The following FRMPD2 variants were observed in gnomAD, a reference collection of about 807,000 sequenced individuals.
The protein encoded by FRMPD2 is FERM and PDZ domain containing 2.
FRMPD2 carries 96 observed loss-of-function variants against 140.1 expected under a neutral mutation model. The observed-to-expected ratio is 0.69, with a 90% CI of 0.58 to 0.81. The LOEUF (loss-of-function observed/expected upper bound fraction) is 0.81. FRMPD2 is among the 40% of genes least tolerant of loss of function. FRMPD2 has a pLI of 0.00. For missense variants in FRMPD2, 1,240 were observed against 1,447.4 expected (o/e 0.86, Z 2.32); for synonymous variants, 449 against 547.6 (o/e 0.82, Z 2.52).
chr10:48,190,423 C>T (rs150676515), intron 16 of FRMPD2, among the ~76,000 whole-genome samples: 10 of 152,320 alleles, frequency 6.6e-5, no homozygotes, highest in Non-Finnish European at 8.8e-5. Flanking sequence ...TTCTAGGAGG[C>T]CTCTGCACAC....
chr10:48,265,221 G>A (rs1001082195), intron 1 of FRMPD2, among the ~76,000 whole-genome samples: 2 of 152,082 alleles, frequency 1.3e-5, no homozygotes, highest in Non-Finnish European at 2.9e-5. Context: ...ACTCAAAATG[G>A]ATTAAAAACT....
chr10:48,233,544 G>T (rs1338644491), intron 9 of FRMPD2, among the ~76,000 whole-genome samples: 1 of 152,210 alleles, frequency 6.6e-6, no homozygotes, highest in Non-Finnish European at 1.5e-5. Context: ...CAGGCCCTCA[G>T]TGATGAATCG....
At chr10:48,250,801 T>TA (rs1359919147) in intron 2 of FRMPD2, among the ~76,000 whole-genome samples, 2 of 148,850 alleles carry the variant, frequency 1.3e-5, no homozygotes, top group African/African-American at 5.0e-5. Flanking sequence ...CTGCCTTTTT[T>TA]TTTTTTTTTT....
chr10:48,234,010 C>T (rs1821596054), intron 9 of FRMPD2, among the ~76,000 whole-genome samples: 1 of 152,256 alleles, frequency 6.6e-6, no homozygotes, highest in Non-Finnish European at 1.5e-5. Context: ...GCATCTCACC[C>T]ACCCAGCTCC....
intron 14 of FRMPD2, among the ~76,000 whole-genome samples, chr10:48,205,786 A>G (rs1010917241): frequency 3.9e-5 from 6 of 152,162 alleles, no homozygotes; most frequent in African/African-American, 1.4e-4. Context: ...TTTTTTCCTG[A>G]AAACAAACAA....
At chr10:48,191,540 G>A (rs149120885) in intron 16 of FRMPD2, among the ~76,000 whole-genome samples, 70 of 152,248 alleles carry the variant, frequency 4.6e-4, no homozygotes, top group South Asian at 1.0e-3. Context: ...TGTGGTGCAC[G>A]GCAATGTACA....
At chr10:48,222,781 C>A (rs1358681257) in intron 11 of FRMPD2, among the ~76,000 whole-genome samples, 1 of 152,152 alleles carries the variant, frequency 6.6e-6, no homozygotes. Flanking sequence ...AAACTGCAAA[C>A]CCATGTCTCT....
chr10:48,235,419 C>G (rs1437322091), intron 9 of FRMPD2, among the ~76,000 whole-genome samples: 1 of 152,208 alleles, frequency 6.6e-6, no homozygotes, highest in East Asian at 1.9e-4. Context: ...ACTTTCAGGA[C>G]TCAGGTGTAG....
intron 1 of FRMPD2, among the ~76,000 whole-genome samples, chr10:48,260,858 A>G (rs1174076781): frequency 6.7e-6 from 1 of 148,412 alleles, no homozygotes; most frequent in African/African-American, 2.5e-5. Context: ...AATGTAAAAT[A>G]ACTATGATTA....
At chr10:48,188,012 T>C (rs1165052561) in intron 16 of FRMPD2, among the ~76,000 whole-genome samples, 1 of 152,188 alleles carries the variant, frequency 6.6e-6, no homozygotes, top group Non-Finnish European at 1.5e-5. Flanking sequence ...ATAAGCTACA[T>C]TCAGAGGTGA....
chr10:48,227,551 C>T (rs1839750922), intron 10 of FRMPD2, among the ~76,000 whole-genome samples: 1 of 152,100 alleles, frequency 6.6e-6, no homozygotes, highest in Non-Finnish European at 1.5e-5. Flanking sequence ...TGTTGGATCT[C>T]GAGGGGGGTA....
chr10:48,223,237 C>T lies in FRMPD2; in HGVS notation c.1202G>A (p.Arg401Lys), dbSNP rs1564430559. The T allele has an allele frequency of 6.2e-7, 1 of 1,613,774 alleles. No homozygotes were observed. Among genetic ancestry groups the T allele is most frequent in the Non-Finnish European group, 8.5e-7 (1 of 1,179,872 alleles). ...KEFFFLDSET[R>K]LCKIAPEGWR... Reference sequence around the variant, plus strand: ...GCCTTCAGGAGCTATTTTGCACAATCTGGTTTCACTGTCCAGGAAAAAGAA... The same window carrying T: ...GCCTTCAGGAGCTATTTTGCACAATTTGGTTTCACTGTCCAGGAAAAAGAA... Residue 401 changes from arginine (R) to lysine (K), a missense_variant, in exon 11 of 29, where the codon AGA (arginine) becomes AAA (lysine). Arg to Lys is a conservative substitution (Grantham distance 26). Coordinates refer to ENST00000374201, the MANE Select transcript of FRMPD2 (RefSeq NM_001018071.4).
intron 3 of FRMPD2, 37 bp from the exon 4 acceptor site, chr10:48,244,886 ATC>A (rs767380272): frequency 8.4e-6 from 12 of 1,423,664 alleles, no homozygotes; most frequent in Admixed American, 8.4e-5. Context: ...GATTTCAATC[ATC>A]TCTGTTATTC....
intron 2 of FRMPD2, 45 bp from the exon 3 acceptor site, chr10:48,249,223 C>A (rs772590662): frequency 6.3e-7 from 1 of 1,596,062 alleles, no homozygotes; most frequent in South Asian, 1.1e-5. Context: ...GAGCTTCCAT[C>A]TGGGGTGCCA....
intron 18 of FRMPD2, 87 bp from the exon 19 acceptor site, chr10:48,184,968 C>A: frequency 1.1e-6 from 1 of 901,702 alleles, no homozygotes; most frequent in South Asian, 1.6e-5. Context: ...TCATATCACA[C>A]AGCTACCAAG....
chr10:48,201,101 C>T, intron 15 of FRMPD2, 127 bp downstream of exon 15: 3 of 587,938 alleles, frequency 5.1e-6, no homozygotes, highest in South Asian at 1.1e-4. Flanking sequence ...TATTGTATTT[C>T]TGTCATTATT....
intron 17 of FRMPD2, among the ~76,000 whole-genome samples, chr10:48,186,232 T>C (rs905981428): frequency 3.3e-5 from 5 of 152,202 alleles, no homozygotes; most frequent in African/African-American, 1.2e-4. Flanking sequence ...CACAGTGTAC[T>C]TGGGAAAATC....
chr10:48,250,357 G>A (rs528765325), intron 2 of FRMPD2, among the ~76,000 whole-genome samples: 1 of 152,208 alleles, frequency 6.6e-6, no homozygotes, highest in Admixed American at 6.5e-5. Context: ...TCCCTCACTG[G>A]GTACCTGCCC....
In FRMPD2 at chr10:48,180,472, C is replaced by T. The variant is rs140103352; in HGVS notation, c.2790+331G>A. Among the ~76,000 whole-genome samples, 976 of 152,306 alleles carry T rather than the reference C, an allele frequency of 6.4e-3. 5 individuals carry two copies. The highest frequency in any genetic ancestry group is 0.022 in the African/African-American group (899 of 41,550). ...ATAGGAGGTGCCTGGTTGCCCACGC[C>T]TTGCCATTGGCAGCAATCAATTTCC... On this transcript the variant is annotated intron_variant, in intron 21 of 28. Transcript: ENST00000374201.
Sources: allele counts gnomAD v4.1 joint callset (sites outside exome capture counted in the v4.1 genomes callset), GRCh38; gene constraint gnomAD v4.1.1; transcripts MANE v1.5; gene names NCBI Gene and HGNC (gene_info 2026-07-23, HGNC 2026-07-21).